The following ADA variants were observed in gnomAD, a reference collection of about 807,000 sequenced individuals.
ADA encodes the protein adenosine aminohydrolase.
In ADA, 45 loss-of-function variants were observed where a neutral mutation model predicts 49.0. The ratio of observed to expected loss-of-function variants is 0.92; its 90% CI spans 0.72 to 1.18. The LOEUF (loss-of-function observed/expected upper bound fraction) is 1.18. ADA is among the 50% of genes most tolerant of loss of function. The pLI is 0.00. For missense variants in ADA, 445 were observed against 472.5 expected (o/e 0.94, Z 0.54); for synonymous variants, 173 against 184.2 (o/e 0.94, Z 0.49).
intron 5 of ADA, among the ~76,000 whole-genome samples, chr20:44,624,867 G>C (rs2065367328): frequency 6.6e-6 from 1 of 152,222 alleles, no homozygotes; most frequent in African/African-American, 2.4e-5. Context: ...TACAAATCCA[G>C]GGTTTGTGCC....
chr20:44,622,527 T>C, intron 9 of ADA, 61 bp downstream of exon 9: 3 of 1,595,312 alleles, frequency 1.9e-6, no homozygotes, highest in Non-Finnish European at 1.7e-6. Context: ...ATCCCTAAAG[T>C]TTCTTCCCTC....
At chr20:44,649,889 C>T (rs2065627284) in intron 1 of ADA, among the ~76,000 whole-genome samples, 1 of 152,262 alleles carries the variant, frequency 6.6e-6, no homozygotes, top group African/African-American at 2.4e-5. Context: ...GCGCCCGCCA[C>T]CATGCCCAGC....
chr20:44,625,550 G>A lies in ADA; in HGVS notation c.478+19C>T. 2 of 1,562,050 alleles carry A rather than the reference G, an allele frequency of 1.3e-6. No homozygotes were observed. The highest frequency in any genetic ancestry group is 1.7e-6 in the Non-Finnish European group (2 of 1,153,008). On this transcript the variant is annotated intron_variant, in intron 5 of 11. Coordinates refer to ENST00000372874, the MANE Select transcript of ADA (RefSeq NM_000022.4). ...AGGGTGAGACGGGCGGCCCTGGGCA[G>A]GGCGGTGATCCTACTCACTGGGCTG...
chr20:44,623,939 A>G (rs1229956244), intron 6 of ADA: 1 of 486,882 alleles, frequency 2.1e-6, no homozygotes. Context: ...GCAGAGATGG[A>G]TCTCACTATG....
rs121908714 is a variant in ADA, at chr20:44,626,516, C to G, written c.302G>C (p.Arg101Pro). 3 of 1,614,024 alleles carry G rather than the reference C, an allele frequency of 1.9e-6. No individual in the cohort carries two copies. The highest frequency in any genetic ancestry group is 1.7e-6 in the Non-Finnish European group (2 of 1,180,026). ...GTTGGCCAGCAGGTGCGGACTGTAC[C>G]GCACCTCCACATACACCACGCCCTC... ...AKEGVVYVEV[R>P]YSPHLLANSK... Residue 101 changes from arginine (R) to proline (P), a missense_variant, in exon 4 of 12, where the codon CGG becomes CCG. Transcript: ENST00000372874.
chr20:44,638,011 T>C (rs990112183), intron 1 of ADA, among the ~76,000 whole-genome samples: 2 of 152,196 alleles, frequency 1.3e-5, no homozygotes, highest in Admixed American at 1.3e-4. Context: ...CTCTGTTTTC[T>C]ATCCTTAACC....
chr20:44,624,471 G>GTGGTTAGGACATAGCAGT, intron 5 of ADA, 142 bp from the exon 6 acceptor site: 1 of 1,153,872 alleles, frequency 8.7e-7, no homozygotes, highest in Non-Finnish European at 1.3e-6. Context: ...TAACTGCTAT[G>GTGGTTAGGACATAGCAGT]TCCTAACCAC....
chr20:44,641,670 G>A (rs2065535688), intron 1 of ADA, among the ~76,000 whole-genome samples: 1 of 152,170 alleles, frequency 6.6e-6, no homozygotes, highest in Non-Finnish European at 1.5e-5. Flanking sequence ...GGCAGTGAAT[G>A]GGGGCGGTAG....
At chr20:44,638,166 C>G (rs1391527711) in intron 1 of ADA, among the ~76,000 whole-genome samples, 1 of 152,226 alleles carries the variant, frequency 6.6e-6, no homozygotes, top group African/African-American at 2.4e-5. Flanking sequence ...GCCTCGGCAT[C>G]CTCATCTGTT....
rs370313862 is a variant in ADA, at chr20:44,636,210, C to T, written c.95+17G>A. On this transcript the variant is annotated intron_variant, in intron 2 of 11. Coordinates refer to ENST00000372874, the MANE Select transcript of ADA (RefSeq NM_000022.4). ...ACTCAAATCCCAGGGAGAGAGGGCT[C>T]TTCTGTATGGACTTACCTGCCATAG... The T allele has an allele frequency of 1.2e-6, 2 of 1,604,462 alleles. No homozygotes were observed. Among genetic ancestry groups the T allele is most frequent in the Non-Finnish European group, 1.7e-6 (2 of 1,174,192 alleles).
intron 11 of ADA, 29 bp from the exon 12 acceptor site, chr20:44,619,876 A>AT (rs753403804): frequency 6.2e-7 from 1 of 1,614,170 alleles, no homozygotes; most frequent in Non-Finnish European, 8.5e-7. Flanking sequence ...AAGCAAAAAG[A>AT]TCAGGCAACT....
At chr20:44,620,733 G>C (rs1600916086) in intron 10 of ADA, 1 of 563,972 alleles carries the variant, frequency 1.8e-6, no homozygotes, top group East Asian at 3.2e-5. Context: ...AAGAGAGTGT[G>C]CAAGACTTCA....
Position 44,620,565 on chromosome 20 carries a change from A to G in ADA, c.976-164T>C, listed in dbSNP as rs914934266. ...GGCAGCAAGTGCCAGAGTAGAGACC[A>G]TGAGGTCGTGTTCTTAATTTGTCAT... is the stretch of plus-strand genomic sequence containing the variant. On this transcript the variant is annotated intron_variant, in intron 10 of 11. Transcript: ENST00000372874. The G allele has an allele frequency of 8.6e-6, 6 of 699,114 alleles. No individual in the cohort carries two copies. The African/African-American group carries it at 8.8e-5, about 10-fold the overall frequency. The allele number at this position is 699,114 out of a possible 1,614,324, so 43.3% of individuals were successfully genotyped here. A position where few individuals can be genotyped will look rare whatever the true frequency, so the allele number is the denominator to read the frequency against.
intron 1 of ADA, among the ~76,000 whole-genome samples, chr20:44,638,480 G>A (rs192773573): frequency 3.9e-4 from 60 of 152,346 alleles, no homozygotes; most frequent in African/African-American, 1.4e-3. Context: ...GGGAGGCTGA[G>A]ACAGGAGAAT....
chr20:44,620,447 A>G (rs758776603), intron 10 of ADA, 46 bp from the exon 11 acceptor site: 2 of 1,515,058 alleles, frequency 1.3e-6, no homozygotes, highest in African/African-American at 1.4e-5. Flanking sequence ...GAGAACAAAG[A>G]AGGCAGCTCT....
At chr20:44,643,702 A>T (rs1007547275) in intron 1 of ADA, among the ~76,000 whole-genome samples, 2 of 152,146 alleles carry the variant, frequency 1.3e-5, no homozygotes, top group Non-Finnish European at 2.9e-5. Flanking sequence ...TGACCTCTCC[A>T]GAGGGGAATC....
intron 1 of ADA, 116 bp from the exon 2 acceptor site, chr20:44,636,404 AC>A (rs1373391558): frequency 8.8e-6 from 8 of 906,456 alleles, no homozygotes; most frequent in Non-Finnish European, 1.1e-5. Context: ...ACCATTAGCC[AC>A]CATTTTACTG....
chr20:44,649,243 C>A (rs1294119594), intron 1 of ADA, among the ~76,000 whole-genome samples: 1 of 152,068 alleles, frequency 6.6e-6, no homozygotes, highest in African/African-American at 2.4e-5. Flanking sequence ...CCATTAGCTG[C>A]AGCTAGTAAT....
rs550015424 is a variant in ADA, at chr20:44,626,391, C to T, written c.362+65G>A. ...CAGGGATTCCCAGCAGTTCGCCCTT[C>T]CAGTCTCAGAGCTGAGCCTCCCAGC... On this transcript the variant is annotated intron_variant, in intron 4 of 11. Transcript: ENST00000372874. 125 of 1,610,200 alleles carry T rather than the reference C, an allele frequency of 7.8e-5. No individual in the cohort carries two copies. The African/African-American group carries it at 1.6e-3, about 21-fold the overall frequency.
Sources: allele counts gnomAD v4.1 joint callset (sites outside exome capture counted in the v4.1 genomes callset), GRCh38; gene constraint gnomAD v4.1.1; transcripts MANE v1.5; gene names NCBI Gene and HGNC (gene_info 2026-07-23, HGNC 2026-07-21).